PNPLA8: variants seen among roughly 807,000 people sequenced by gnomAD.
The protein encoded by PNPLA8 is patatin like domain 8, phospholipase A2, also known as calcium-independent phospholipase A2-gamma.
Under a neutral mutation model 76.9 loss-of-function variants are expected in PNPLA8, and 39 were observed. The observed-to-expected ratio is 0.51, with a 90% CI of 0.39 to 0.66. The LOEUF (loss-of-function observed/expected upper bound fraction) is 0.66, where lower values mean the gene tolerates loss of function less well. Among genes scored for constraint, PNPLA8 ranks in the 30% least tolerant of loss-of-function variants. The pLI is 0.00. For synonymous variants in PNPLA8, 301 were observed against 307.9 expected (o/e 0.98, Z 0.24); for missense variants, 887 against 918.0 (o/e 0.97, Z 0.44).
At chr7:108,479,527 G>A (rs1860247463) in intron 9 of PNPLA8, 148 bp from the exon 10 acceptor site, 2 of 627,962 alleles carry the variant, frequency 3.2e-6, no homozygotes, top group Non-Finnish European at 2.8e-6. Flanking sequence ...AAAAATCCAT[G>A]CGAAGACTCA....
At chr7:108,479,109 G>T in intron 10 of PNPLA8, 75 bp downstream of exon 10, 1 of 964,392 alleles carries the variant, frequency 1.0e-6, no homozygotes, top group Non-Finnish European at 1.6e-6. Flanking sequence ...TTTGCAGTTA[G>T]GACCAACAAA....
chr7:108,491,975 A>C (rs1861202859), intron 7 of PNPLA8, among the ~76,000 whole-genome samples: 1 of 152,232 alleles, frequency 6.6e-6, no homozygotes, highest in Non-Finnish European at 1.5e-5. Flanking sequence ...TGTCATCAAG[A>C]AAATGGCTTT....
intron 7 of PNPLA8, among the ~76,000 whole-genome samples, chr7:108,493,332 T>C (rs1302971692): frequency 6.6e-6 from 1 of 152,046 alleles, no homozygotes; most frequent in Non-Finnish European, 1.5e-5. Flanking sequence ...GAGAAGCTGG[T>C]TTTAGAATAA....
upstream of PNPLA8, chr7:108,526,322 G>C (rs770758376): frequency 6.5e-6 from 1 of 153,564 alleles, no homozygotes; most frequent in East Asian, 2.0e-4. Context: ...GCATGACGGA[G>C]CGCAAGGCGG....
intron 5 of PNPLA8, among the ~76,000 whole-genome samples, chr7:108,499,843 G>T (rs1049938967): frequency 6.6e-6 from 1 of 151,990 alleles, no homozygotes; most frequent in African/African-American, 2.4e-5. Context: ...ACTATTTATT[G>T]GATACAAACT....
Position 108,479,319 on chromosome 7 carries a change from A to G in PNPLA8, c.1939T>C (p.Trp647Arg). The G allele has an allele frequency of 1.2e-6, 2 of 1,613,732 alleles. No individual in the cohort carries two copies. The highest frequency in any genetic ancestry group is 1.7e-6 in the Non-Finnish European group (2 of 1,179,608). The change falls in exon 10 of 11, where the codon TGG becomes CGG. Residue 647 changes from tryptophan (W) to arginine (R), a missense_variant. By Grantham distance (101) the Trp-to-Arg change is moderately radical. Coordinates refer to ENST00000257694, the MANE Select transcript of PNPLA8 (RefSeq NM_001256007.3). ...ALAMHECKCL[W>R]PDVPLECIVS... ...ATGCACTCTAACGGCACATCTGGCCAAAGACATTTACACTCATGCATAGCT... is the reference window on the plus strand; with the variant it reads ...ATGCACTCTAACGGCACATCTGGCCGAAGACATTTACACTCATGCATAGCT...
intron 9 of PNPLA8, among the ~76,000 whole-genome samples, chr7:108,479,884 T>C (rs1022162853): frequency 7.2e-5 from 11 of 152,142 alleles, no homozygotes; most frequent in Admixed American, 2.0e-4. Flanking sequence ...TATTTCTAAG[T>C]ATGTATCAAT....
chr7:108,499,659 A>G (rs971161578), intron 5 of PNPLA8, among the ~76,000 whole-genome samples: 4 of 152,204 alleles, frequency 2.6e-5, no homozygotes, highest in African/African-American at 9.7e-5. Flanking sequence ...TAGTTGTGAC[A>G]ACTAAAAATG....
At chr7:108,509,987 C>T (rs1423641617) in intron 4 of PNPLA8, among the ~76,000 whole-genome samples, 5 of 131,706 alleles carry the variant, frequency 3.8e-5, no homozygotes, top group South Asian at 2.5e-4. Context: ...TGAGAACACA[C>T]GGACACAGGA....
intron 10 of PNPLA8, among the ~76,000 whole-genome samples, chr7:108,476,671 G>A (rs1860016916): frequency 6.6e-6 from 1 of 152,182 alleles, no homozygotes; most frequent in Non-Finnish European, 1.5e-5. Context: ...TTATTTTGAA[G>A]GGATTGCTGC....
At chr7:108,513,601 A>G (rs1863090451) in intron 4 of PNPLA8, among the ~76,000 whole-genome samples, 1 of 152,108 alleles carries the variant, frequency 6.6e-6, no homozygotes, top group Non-Finnish European at 1.5e-5. Flanking sequence ...GTCATATTTT[A>G]TAGCACTTCT....
At chr7:108,503,968 A>G (rs1299472786) in intron 4 of PNPLA8, among the ~76,000 whole-genome samples, 1 of 152,226 alleles carries the variant, frequency 6.6e-6, no homozygotes, top group African/African-American at 2.4e-5. Context: ...AGGTAAGCCG[A>G]AGACCTCTGA....
chr7:108,497,820 C>A (rs1212177434), intron 5 of PNPLA8, among the ~76,000 whole-genome samples: 4 of 151,590 alleles, frequency 2.6e-5, no homozygotes, highest in Non-Finnish European at 5.9e-5. Context: ...ATATTAGTAT[C>A]TCTCTCTTGT....
chr7:108,478,194 T>C (rs1017385697), intron 10 of PNPLA8, among the ~76,000 whole-genome samples: 3 of 152,060 alleles, frequency 2.0e-5, no homozygotes, highest in African/African-American at 7.2e-5. Context: ...AACAGAGACC[T>C]GAATGAAATA....
intron 4 of PNPLA8, among the ~76,000 whole-genome samples, chr7:108,506,129 A>G (rs905688218): frequency 6.6e-6 from 1 of 152,168 alleles, no homozygotes; most frequent in African/African-American, 2.4e-5. Context: ...TGTAATCCCA[A>G]TACTTTGGGA....
At chr7:108,509,745 T>C (rs1225005501) in intron 4 of PNPLA8, among the ~76,000 whole-genome samples, 6 of 149,534 alleles carry the variant, frequency 4.0e-5, no homozygotes, top group Admixed American at 1.3e-4. Flanking sequence ...TATTGCGGCA[T>C]TATTCACAAT....
At chr7:108,528,034 C>G (rs748923610), upstream of PNPLA8, 2 of 152,254 alleles carry the variant, frequency 1.3e-5, no homozygotes, top group Non-Finnish European at 2.9e-5. Flanking sequence ...TCCTTCCTCT[C>G]CCTCCCTTGT....
At chr7:108,502,787 T>C (rs893256629) in intron 4 of PNPLA8, 145 bp from the exon 5 acceptor site, 5 of 488,932 alleles carry the variant, frequency 1.0e-5, no homozygotes, top group Non-Finnish European at 1.8e-5. Flanking sequence ...ATAAGACAGA[T>C]TAGTTTTTGA....
In PNPLA8 at chr7:108,482,932, T is replaced by C. The variant is rs529132384; in HGVS notation, c.1879-3553A>G. On this transcript the variant is annotated intron_variant, in intron 9 of 10. Coordinates refer to ENST00000257694, the MANE Select transcript of PNPLA8 (RefSeq NM_001256007.3). Reference sequence around the variant, plus strand: ...CCCATTAAGAACATCATGTAGGATTTTGCCCTACTAATGAAGCATACTACT... The same window carrying C: ...CCCATTAAGAACATCATGTAGGATTCTGCCCTACTAATGAAGCATACTACT... 2.0e-5 allele frequency among the ~76,000 whole-genome samples: 3 copies of C among 152,346 alleles called. No homozygotes were observed. In the South Asian group the frequency reaches 6.2e-4, roughly 32 times the overall value.
Sources: gnomAD v4.1 joint callset for allele counts (sites outside exome capture counted in the v4.1 genomes callset) on GRCh38, gnomAD v4.1.1 for gene constraint, MANE v1.5 for transcripts, NCBI Gene and HGNC (gene_info 2026-07-23, HGNC 2026-07-21) for gene names.